The following WNK2 variants were observed in gnomAD, a reference collection of about 807,000 sequenced individuals.
The protein encoded by WNK2 is WNK lysine deficient protein kinase 2, also known as serine/threonine-protein kinase WNK2.
A neutral mutation model predicts 192.1 loss-of-function variants in WNK2; 67 were observed. The observed-to-expected ratio is 0.35, with a 90% CI of 0.29 to 0.43. The LOEUF (loss-of-function observed/expected upper bound fraction) is 0.43, where lower values mean the gene tolerates loss of function less well. WNK2 is among the 20% of genes least tolerant of loss of function. The probability of loss-of-function intolerance (pLI) is 1.00; values close to 1 mark genes in which losing one functional copy is unlikely to be tolerated. For synonymous variants in WNK2, 1,439 were observed against 1,393.9 expected, an observed-to-expected ratio of 1.03 and a Z score of -0.72; for missense variants, 2,698 against 3,089.7, an observed-to-expected ratio of 0.87 and a Z score of 3.01.
At chr9:93,252,308 A>G (rs1432349564) in intron 8 of WNK2, among the ~76,000 whole-genome samples, 2 of 152,182 alleles carry the variant, frequency 1.3e-5, no homozygotes, top group East Asian at 1.9e-4. Context: ...AGCTCAGGCC[A>G]TGGGCGCTTG....
intron 2 of WNK2, among the ~76,000 whole-genome samples, chr9:93,202,049 G>C (rs1027624576): frequency 6.6e-6 from 1 of 152,208 alleles, no homozygotes; most frequent in Non-Finnish European, 1.5e-5. Flanking sequence ...GAGGTCACAG[G>C]GGGGTCTCAC....
At chr9:93,185,745 GTGGA>G in intron 2 of WNK2, 135 bp downstream of exon 2, 2 of 1,054,936 alleles carry the variant, frequency 1.9e-6, no homozygotes, top group Non-Finnish European at 2.7e-6. Flanking sequence ...CACCCTCTGT[GTGGA>G]TGGCTGGCAG....
intron 10 of WNK2, chr9:93,256,745 C>G: frequency 1.5e-6 from 1 of 685,338 alleles, no homozygotes; most frequent in Non-Finnish European, 2.4e-6. Context: ...GCCCTGGCTC[C>G]AGGCTGGCTG....
chr9:93,221,127 AG>A (rs942940668), intron 2 of WNK2, among the ~76,000 whole-genome samples: 2 of 152,200 alleles, frequency 1.3e-5, no homozygotes, highest in Non-Finnish European at 2.9e-5. Context: ...CCCAGCACAG[AG>A]GGCCAGTCCC....
intron 21 of WNK2, among the ~76,000 whole-genome samples, chr9:93,291,278 C>G (rs1849304378): frequency 6.6e-6 from 1 of 152,138 alleles, no homozygotes; most frequent in Non-Finnish European, 1.5e-5. Flanking sequence ...GTCCCATGGG[C>G]CCCTTTGGCA....
intron 4 of WNK2, among the ~76,000 whole-genome samples, chr9:93,233,283 G>T (rs946216851): frequency 6.6e-6 from 1 of 151,894 alleles, no homozygotes; most frequent in Non-Finnish European, 1.5e-5. Flanking sequence ...AAAAGTTCCC[G>T]GCGTCAGGCC....
chr9:93,216,811 A>AAAC (rs200370852), intron 2 of WNK2, among the ~76,000 whole-genome samples: 9 of 147,026 alleles, frequency 6.1e-5, no homozygotes, highest in Admixed American at 6.7e-5. Flanking sequence ...CTCGGTCTCA[A>AAAC]AACAACAACA....
chr9:93,320,305 C>T, intron 29 of WNK2, 62 bp from the exon 30 acceptor site: 1 of 1,365,848 alleles, frequency 7.3e-7, no homozygotes, highest in Non-Finnish European at 9.8e-7. Flanking sequence ...CAGGGCCTGG[C>T]CCTTGGCGAG....
At chr9:93,304,169 T>C (rs1852086370) in intron 26 of WNK2, among the ~76,000 whole-genome samples, 1 of 152,250 alleles carries the variant, frequency 6.6e-6, no homozygotes, top group Non-Finnish European at 1.5e-5. Context: ...AGATGTCTTC[T>C]TGGCCACAGG....
chr9:93,293,257 G>T, intron 23 of WNK2, 84 bp downstream of exon 23: 1 of 1,328,386 alleles, frequency 7.5e-7, no homozygotes, highest in Non-Finnish European at 9.8e-7. Flanking sequence ...TGGTGCCGGG[G>T]CTGAAGTCCT....
intron 4 of WNK2, among the ~76,000 whole-genome samples, chr9:93,232,014 C>T (rs528369318): frequency 1.5e-4 from 23 of 152,258 alleles, no homozygotes; most frequent in African/African-American, 4.8e-4. Flanking sequence ...GGGCAAGCAG[C>T]GTGGGTCGGG....
chr9:93,270,251 C>T (rs968697939), intron 19 of WNK2, among the ~76,000 whole-genome samples: 1 of 152,136 alleles, frequency 6.6e-6, no homozygotes, highest in African/African-American at 2.4e-5. Context: ...CTTGGAGTGC[C>T]GTGGGTTCAG....
At position 93,320,423 on chromosome 9, in the gene WNK2, CGTCT is replaced by C; in HGVS notation, c.*32_*35del. ...CCTAGACGCCAGGCCCACTTCACGC[CGTCT>C]AAGTGGAGAAGTGACGGACCCTCAG... On this transcript the variant is annotated 3_prime_UTR_variant, in exon 30 of 30. Transcript: ENST00000427277. The C allele has an allele frequency of 7.3e-7, 1 of 1,367,608 alleles. No individual in the cohort carries two copies. The highest frequency in any genetic ancestry group is 1.1e-5 in the South Asian group (1 of 88,056). The allele number at this position is 1,367,608 out of a possible 1,614,324, so 84.7% of individuals were successfully genotyped here.
chr9:93,229,928 C>G lies in WNK2; in HGVS notation c.854+60C>G. 1.3e-6 allele frequency: 2 copies of G among 1,575,268 alleles called. No individual in the cohort carries two copies. Among genetic ancestry groups the G allele is most frequent in the Non-Finnish European group, 1.7e-6 (2 of 1,158,512 alleles). ...TGGCATGGGTGCAGGGCTACCATAGCTGAGGGTGAGGTCTTGGGCTGCTGG... is the reference window on the plus strand; with the variant it reads ...TGGCATGGGTGCAGGGCTACCATAGGTGAGGGTGAGGTCTTGGGCTGCTGG... On this transcript the variant is annotated intron_variant, in intron 3 of 29. Transcript: ENST00000427277. This position sits in a 1 kb window ranked among gnomAD's most constrained non-coding sequence, Gnocchi z 4.9.
intron 27 of WNK2, 91 bp downstream of exon 27, chr9:93,306,912 GCGTGGGCCTGCCCTGTGCCTGC>G: frequency 6.5e-7 from 1 of 1,534,920 alleles, no homozygotes; most frequent in Non-Finnish European, 9.0e-7. Flanking sequence ...GGCCGGGCGG[GCGTGGGCCTGCCCTGTGCCTGC>G]CCCGCGCCTG....
At chr9:93,261,792 A>C in intron 12 of WNK2, 22 bp from the exon 13 acceptor site, 5 of 1,574,874 alleles carry the variant, frequency 3.2e-6, no homozygotes, top group African/African-American at 1.3e-5. Context: ...CCTGACTTGC[A>C]CCTTGTCCCC....
rs150416661 is a variant in WNK2 at position 93,285,429 on chromosome 9, A to G, written c.4034-3359A>G. Among the ~76,000 whole-genome samples the G allele has an allele frequency of 8.6e-3, 1,312 of 152,348 alleles. 24 individuals carry two copies. The highest frequency in any genetic ancestry group is 0.03 in the African/African-American group (1,239 of 41,580). On this transcript the variant is annotated intron_variant, in intron 19 of 29. Coordinates refer to ENST00000427277, the MANE Select transcript of WNK2 (RefSeq NM_006648.4). Reference sequence around the variant, plus strand: ...CTACAGACTGCAGTTATCTTTCTGTATACCAACAACAATCAGAAAATAAAG... The same window carrying G: ...CTACAGACTGCAGTTATCTTTCTGTGTACCAACAACAATCAGAAAATAAAG...
chr9:93,273,598 C>CT (rs1195431192), intron 19 of WNK2, among the ~76,000 whole-genome samples: 14 of 152,322 alleles, frequency 9.2e-5, no homozygotes, highest in African/African-American at 3.4e-4. Context: ...CTCCAACACT[C>CT]TCGATAGATA....
chr9:93,211,691 CTCATCTACTCATTCACCAT>C (rs1276035674), intron 2 of WNK2, among the ~76,000 whole-genome samples: 3 of 151,814 alleles, frequency 2.0e-5, no homozygotes, highest in Non-Finnish European at 4.4e-5. Context: ...CACTCACTCA[CTCATCTACTCATTCACCAT>C]TCATCTACTC....
Sources: allele counts gnomAD v4.1 joint callset (sites outside exome capture counted in the v4.1 genomes callset), GRCh38; gene constraint gnomAD v4.1.1; non-coding constraint Gnocchi (gnomAD v3.1); transcripts MANE v1.5; gene names NCBI Gene and HGNC (gene_info 2026-07-23, HGNC 2026-07-21).